Variants in RIC3 observed in about 807,000 individuals in gnomAD.
RIC3 encodes RIC3 acetylcholine receptor chaperone.
Under a neutral mutation model 27.3 loss-of-function variants are expected in RIC3, and 28 were observed. The observed-to-expected ratio is 1.02, with a 90% confidence interval of 0.76 to 1.41. The LOEUF is 1.41. Ranked by LOEUF, RIC3 falls within the 40% of genes most tolerant of loss-of-function variation. The pLI, the probability that RIC3 is intolerant of heterozygous loss-of-function variation, is 0.00. For missense variants in RIC3, 501 were observed against 444.7 expected, an observed-to-expected ratio of 1.13 and a Z score of -1.14; for synonymous variants, 184 against 160.4, an observed-to-expected ratio of 1.15 and a Z score of -1.11.
chr11:8,141,064 C>G (rs1176434239), intron 1 of RIC3, among the ~76,000 whole-genome samples: 1 of 148,534 alleles, frequency 6.7e-6, no homozygotes, highest in African/African-American at 2.5e-5. Context: ...CCGGTACCAG[C>G]CGCTGCAAAA....
chr11:8,105,859 T>G (rs1944570531), downstream of RIC3: 1 of 152,158 alleles, frequency 6.6e-6, no homozygotes, highest in Non-Finnish European at 1.5e-5. Flanking sequence ...CAGAGTTTCC[T>G]AGAACGCAAC....
chr11:8,127,018 T>G, intron 4 of RIC3: 1 of 601,614 alleles, frequency 1.7e-6, no homozygotes, highest in Non-Finnish European at 2.9e-6. Context: ...AAGCCCAGAA[T>G]AGATCAAGTG....
At chr11:8,111,388 G>A (rs1590058301) in intron 5 of RIC3, among the ~76,000 whole-genome samples, 1 of 152,058 alleles carries the variant, frequency 6.6e-6, no homozygotes, top group South Asian at 2.1e-4. Context: ...GGTGCTTGGG[G>A]CAGAGTTAAG....
intron 5 of RIC3, among the ~76,000 whole-genome samples, chr11:8,125,307 T>C (rs1323405458): frequency 6.6e-6 from 1 of 150,762 alleles, no homozygotes; most frequent in African/African-American, 2.4e-5. Context: ...TTGGACTTCA[T>C]CAAAATTTAA....
At chr11:8,130,817 G>A (rs2133727545) in intron 4 of RIC3, among the ~76,000 whole-genome samples, 1 of 152,134 alleles carries the variant, frequency 6.6e-6, no homozygotes, top group Non-Finnish European at 1.5e-5. Context: ...CAAGTCCAGA[G>A]GCAAAAAGGT....
intron 1 of RIC3, among the ~76,000 whole-genome samples, chr11:8,158,035 A>G (rs974088500): frequency 6.6e-6 from 1 of 152,174 alleles, no homozygotes; most frequent in Non-Finnish European, 1.5e-5. Context: ...GGGAAAATAA[A>G]TGGTAACCAA....
At chr11:8,165,030 A>G (rs1241362664) in intron 1 of RIC3, among the ~76,000 whole-genome samples, 1 of 152,204 alleles carries the variant, frequency 6.6e-6, no homozygotes. Context: ...ACAAGAAACC[A>G]GAAGCCCTCT....
rs565297205 is a variant in RIC3 at position 8,144,895 on chromosome 11, T to A, written c.125-4702A>T. 3.5e-3 allele frequency among the ~76,000 whole-genome samples: 525 copies of A among 150,218 alleles called. 5 individuals carry two copies. Among genetic ancestry groups the A allele is most frequent in the African/African-American group, 0.012 (502 of 40,766 alleles). On this transcript the variant is annotated intron_variant, in intron 1 of 5. Transcript: ENST00000309737. The stretch of plus-strand genomic sequence containing the variant: ...GTCCTTTGTAGGGACATGGATGAAA[T>A]TGGAAATCATCATTCTCAGTAAACT...
chr11:8,098,469 G>A, the RIC3 span, among the ~76,000 whole-genome samples: 699 of 152,214 alleles, frequency 4.6e-3, 7 homozygotes, highest in African/African-American at 0.016. Flanking sequence ...CCTCCCATGA[G>A]GAGAACTCCC....
At chr11:8,133,788 T>C (rs1413801786) in intron 4 of RIC3, among the ~76,000 whole-genome samples, 64 of 152,176 alleles carry the variant, frequency 4.2e-4, no homozygotes, top group Admixed American at 4.2e-3. Flanking sequence ...GTTATAGTAT[T>C]GCATCCCTGG....
chr11:8,125,865 T>C (rs111285223), intron 5 of RIC3, among the ~76,000 whole-genome samples: 23,622 of 151,952 alleles, frequency 0.16, 2,393 homozygotes, highest in African/African-American at 0.28. Flanking sequence ...ATGGTGAAAC[T>C]CCGTCTCTAC....
intron 1 of RIC3, among the ~76,000 whole-genome samples, chr11:8,153,173 CA>C (rs959411694): frequency 2.6e-4 from 40 of 152,102 alleles, no homozygotes; most frequent in Middle Eastern, 6.8e-3. Context: ...GACTAGATAG[CA>C]AAAAATATGT....
Position 8,110,795 on chromosome 11 carries a change from C to T in RIC3, c.1013G>A (p.Trp338Ter), listed in dbSNP as rs1436799586. 1.2e-6 allele frequency: 2 copies of T among 1,614,146 alleles called. No homozygotes were observed. Among genetic ancestry groups the T allele is most frequent in the South Asian group, 1.1e-5 (1 of 91,074 alleles). The change falls in exon 6 of 6, where the codon TGG becomes TAG. Residue 338 changes from tryptophan to a stop codon, truncating the protein, a stop_gained. Coordinates refer to ENST00000309737, the MANE Select transcript of RIC3 (RefSeq NM_001206671.4). LOFTEE classifies it low-confidence loss of function (END_TRUNC). ...CCCTTCATCTTTAAAGTCTTGGGAC[C>T]ACTCTTCTTTGGTGGTTTCCTCTTG... is the stretch of plus-strand genomic sequence containing the variant. ...PEQEETTKEE[W>*]SQDFKDEGLG...
At chr11:8,125,751 C>T (rs1002769328) in intron 5 of RIC3, among the ~76,000 whole-genome samples, 2 of 152,164 alleles carry the variant, frequency 1.3e-5, no homozygotes, top group African/African-American at 4.8e-5. Context: ...AAACAGGTGG[C>T]CGGGCGCGGT....
At chr11:8,095,608 G>A in the RIC3 span, 14 of 1,612,192 alleles carry the variant, frequency 8.7e-6, no homozygotes, top group Admixed American at 2.0e-4. Flanking sequence ...GGAGACGGCA[G>A]CTGGTGGGGG....
At position 8,110,282 on chromosome 11, in the gene RIC3, G is replaced by A. The variant is rs1945095193; in HGVS notation, c.*416C>T. On this transcript the variant is annotated 3_prime_UTR_variant, in exon 6 of 6. Transcript: ENST00000309737. ...CAAGGCCCAAAGAATAAGGGATCTTGGAGTCTGAAATCTTCATTCTTGCAA... is the reference window on the plus strand; with the variant it reads ...CAAGGCCCAAAGAATAAGGGATCTTAGAGTCTGAAATCTTCATTCTTGCAA... 3.1e-6 allele frequency: 1 copy of A among 321,018 alleles called. No individual in the cohort carries two copies. The highest frequency in any genetic ancestry group is 6.0e-6 in the Non-Finnish European group (1 of 165,928). 19.9% of individuals were successfully genotyped at this position (321,018 alleles called of 1,614,324 possible).
At chr11:8,168,815 C>G in intron 1 of RIC3, 51 bp downstream of exon 1, 1 of 1,580,526 alleles carries the variant, frequency 6.3e-7, no homozygotes, top group Non-Finnish European at 8.6e-7. Context: ...AAGCAGCGTT[C>G]TCCGTACTCT....
chr11:8,134,383 T>C (rs1478014521), intron 4 of RIC3, among the ~76,000 whole-genome samples: 1 of 152,224 alleles, frequency 6.6e-6, no homozygotes, highest in African/African-American at 2.4e-5. Flanking sequence ...ATTTTCTTAA[T>C]CCAGTCTATC....
At chr11:8,100,752 C>T in the RIC3 span, 51 of 1,586,420 alleles carry the variant, frequency 3.2e-5, no homozygotes, top group African/African-American at 2.8e-4. Context: ...CCCCCATTCC[C>T]GGGATAGATC....
Sources: allele counts gnomAD v4.1 joint callset (sites outside exome capture counted in the v4.1 genomes callset), GRCh38; gene constraint gnomAD v4.1.1; transcripts MANE v1.5; gene names NCBI Gene and HGNC (gene_info 2026-07-23, HGNC 2026-07-21).